The following TAB2 variants were observed in gnomAD, a reference collection of about 807,000 sequenced individuals.
TAB2 encodes TGF-beta activated kinase 1 (MAP3K7) binding protein 2.
Under a neutral mutation model 65.0 loss-of-function variants are expected in TAB2, and 3 were observed. The ratio of observed to expected loss-of-function variants is 0.05; its 90% CI spans 0.02 to 0.12. The LOEUF (loss-of-function observed/expected upper bound fraction) is 0.12. TAB2 is among the 10% of genes least tolerant of loss of function. The pLI is 1.00. For missense variants in TAB2, 623 were observed against 840.3 expected, an observed-to-expected ratio of 0.74 and a Z score of 3.20; for synonymous variants, 298 against 285.1, an observed-to-expected ratio of 1.05 and a Z score of -0.46.
At chr6:149,403,638 C>T (rs915144975) in intron 6 of TAB2, among the ~76,000 whole-genome samples, 1 of 151,814 alleles carries the variant, frequency 6.6e-6, no homozygotes, top group Non-Finnish European at 1.5e-5. Context: ...AGCATGTCAC[C>T]GATACCCACA....
chr6:149,303,749 A>G (rs1373240713), intron 1 of TAB2, among the ~76,000 whole-genome samples: 1 of 152,222 alleles, frequency 6.6e-6, no homozygotes, highest in African/African-American at 2.4e-5. Flanking sequence ...TAAAGAATCA[A>G]TATATTCATT....
intron 4 of TAB2, 28 bp downstream of exon 4, chr6:149,397,792 T>C (rs765249835): frequency 6.2e-7 from 1 of 1,611,526 alleles, no homozygotes; most frequent in South Asian, 1.1e-5. Context: ...TGTTGTGATC[T>C]CTGCTTGAAC....
intron 1 of TAB2, among the ~76,000 whole-genome samples, chr6:149,293,548 G>A (rs763426406): frequency 1.3e-5 from 2 of 152,170 alleles, no homozygotes; most frequent in Non-Finnish European, 2.9e-5. Context: ...AGCATTTTCC[G>A]CTGGAATGTT....
chr6:149,351,933 G>A (rs775453317), intron 1 of TAB2, among the ~76,000 whole-genome samples: 1 of 152,056 alleles, frequency 6.6e-6, no homozygotes, highest in African/African-American at 2.4e-5. Flanking sequence ...TTTTAGAAGC[G>A]TGCATGGCTA....
At chr6:149,286,293 T>C (rs1181689656) in intron 1 of TAB2, among the ~76,000 whole-genome samples, 2 of 152,230 alleles carry the variant, frequency 1.3e-5, no homozygotes, top group Admixed American at 6.5e-5. Context: ...ATTATTGATA[T>C]GGTGCACATC....
chr6:149,350,238 A>G (rs1369931289), intron 1 of TAB2, among the ~76,000 whole-genome samples: 1 of 152,082 alleles, frequency 6.6e-6, no homozygotes, highest in East Asian at 1.9e-4. Context: ...GGCTGGAATT[A>G]ATATTTCTCA....
At chr6:149,320,303 C>G (rs957577669) in intron 1 of TAB2, among the ~76,000 whole-genome samples, 3 of 152,156 alleles carry the variant, frequency 2.0e-5, no homozygotes, top group African/African-American at 7.2e-5. Context: ...TCTCGAACTC[C>G]TGACCTTAGG....
At chr6:149,256,907 A>G (rs1778048715) in intron 1 of TAB2, among the ~76,000 whole-genome samples, 1 of 152,240 alleles carries the variant, frequency 6.6e-6, no homozygotes, top group South Asian at 2.1e-4. Flanking sequence ...AAAAGCTCCT[A>G]AAGGTAGCAA....
chr6:149,222,673 T>C (rs1009385084), intron 1 of TAB2, among the ~76,000 whole-genome samples: 4 of 152,004 alleles, frequency 2.6e-5, no homozygotes, highest in African/African-American at 9.7e-5. Flanking sequence ...CCATTGGTTC[T>C]GTTTCTCTGG....
chr6:149,240,884 A>G (rs1777584947), intron 1 of TAB2, among the ~76,000 whole-genome samples: 1 of 152,162 alleles, frequency 6.6e-6, no homozygotes, highest in Admixed American at 6.5e-5. Flanking sequence ...CCCTAAATGC[A>G]TATGTTGAAG....
rs149329279 is a variant in TAB2 at position 149,377,485 on chromosome 6, G to T, written c.103-533G>T. 3.9e-5 allele frequency among the ~76,000 whole-genome samples: 6 copies of T among 152,204 alleles called. No homozygotes were observed. The East Asian group carries it at 5.8e-4, about 15-fold the overall frequency. ...GGGATTACACAAGTTAAGAGGAAGC[G>T]TGTGAAGGATTGAGATGACTGGTAT... On this transcript the variant is annotated intron_variant, in intron 2 of 6. Coordinates refer to ENST00000637181, the MANE Select transcript of TAB2 (RefSeq NM_001292034.3).
At chr6:149,367,312 C>T (rs1391144898) in intron 1 of TAB2, among the ~76,000 whole-genome samples, 2 of 152,058 alleles carry the variant, frequency 1.3e-5, no homozygotes, top group Admixed American at 6.6e-5. Context: ...ATTTGATCAA[C>T]ATTCTTAATG....
rs184451412 is a variant in TAB2 at position 149,330,628 on chromosome 6, G to A, written c.-90+12613G>A. Among the ~76,000 whole-genome samples, 44 of 152,212 alleles carry A rather than the reference G, an allele frequency of 2.9e-4. No individual in the cohort carries two copies. In the East Asian group the frequency reaches 7.5e-3, roughly 26 times the overall value. On this transcript the variant is annotated intron_variant, in intron 1 of 6. Coordinates refer to ENST00000637181, the MANE Select transcript of TAB2 (RefSeq NM_001292034.3). ...CTTTTGCTCATATTCTAATTGAATT[G>A]TTTTGTTTTCTTGTTGAGTTTAGAG... is the stretch of plus-strand genomic sequence containing the variant.
chr6:149,341,785 T>A (rs1284751511), intron 1 of TAB2, among the ~76,000 whole-genome samples: 1 of 152,198 alleles, frequency 6.6e-6, no homozygotes, highest in East Asian at 1.9e-4. Context: ...TTCACTACTT[T>A]TTTTTGTCCT....
At chr6:149,316,888 C>T (rs985719478), upstream of TAB2, among the ~76,000 whole-genome samples, 6 of 152,070 alleles carry the variant, frequency 3.9e-5, no homozygotes, top group East Asian at 9.6e-4. Context: ...CAAGACGTCT[C>T]CCGCACACCC....
chr6:149,283,403 A>G (rs887562983), intron 1 of TAB2, among the ~76,000 whole-genome samples: 1 of 152,200 alleles, frequency 6.6e-6, no homozygotes, highest in South Asian at 2.1e-4. Context: ...ATGTCATTTG[A>G]TGGTATAGAA....
At chr6:149,330,145 C>G (rs1253701497) in intron 1 of TAB2, among the ~76,000 whole-genome samples, 1 of 151,794 alleles carries the variant, frequency 6.6e-6, no homozygotes, top group Admixed American at 6.6e-5. Flanking sequence ...CAAATTGTTG[C>G]ATTTATCAAT....
chr6:149,326,271 CAAAAAAAA>C (rs59070515), intron 1 of TAB2, among the ~76,000 whole-genome samples: 2 of 125,002 alleles, frequency 1.6e-5, no homozygotes, highest in African/African-American at 3.0e-5. Context: ...GACCCCATCT[CAAAAAAAA>C]AAAAAAAAAA....
chr6:149,274,363 C>T (rs1269132702), intron 1 of TAB2, among the ~76,000 whole-genome samples: 1 of 152,240 alleles, frequency 6.6e-6, no homozygotes, highest in Non-Finnish European at 1.5e-5. Flanking sequence ...TGTTCCATAA[C>T]TCTAATTGAA....
Sources: gnomAD v4.1 joint callset for allele counts (sites outside exome capture counted in the v4.1 genomes callset) on GRCh38, gnomAD v4.1.1 for gene constraint, MANE v1.5 for transcripts, NCBI Gene and HGNC (gene_info 2026-07-23, HGNC 2026-07-21) for gene names.